The following NAV3 variants were observed in gnomAD, a reference collection of about 807,000 sequenced individuals.
NAV3 encodes the protein neuron navigator 3, also known as pore membrane and/or filament interacting like protein 1.
In NAV3, 87 loss-of-function variants were observed where a neutral mutation model predicts 244.7. The observed-to-expected ratio is 0.36, with a 90% CI of 0.30 to 0.42. NAV3 has a LOEUF of 0.42. Among genes scored for constraint, NAV3 ranks in the 20% least tolerant of loss-of-function variants. NAV3 has a pLI of 1.00. For synonymous variants in NAV3, 1,126 were observed against 1,042.2 expected (o/e 1.08, Z -1.55); for missense variants, 2,663 against 2,893.3 (o/e 0.92, Z 1.83).
At chr12:77,628,215 G>A (rs1871723123) in intron 2 of NAV3, among the ~76,000 whole-genome samples, 1 of 152,166 alleles carries the variant, frequency 6.6e-6, no homozygotes, top group South Asian at 2.1e-4. Flanking sequence ...ATCCTCTGAT[G>A]TGATCATTAC....
chr12:78,171,979 G>A (rs941782693), intron 24 of NAV3, among the ~76,000 whole-genome samples: 1 of 151,274 alleles, frequency 6.6e-6, no homozygotes, highest in African/African-American at 2.4e-5. Context: ...AAATATTTTT[G>A]TTTACAAACA....
At chr12:78,026,905 A>G (rs1878152811) in intron 9 of NAV3, among the ~76,000 whole-genome samples, 1 of 152,234 alleles carries the variant, frequency 6.6e-6, no homozygotes, top group Non-Finnish European at 1.5e-5. Context: ...AACAGAAAAG[A>G]TAGGACTTAT....
At chr12:77,772,441 A>G (rs995939533) in intron 2 of NAV3, among the ~76,000 whole-genome samples, 1 of 152,210 alleles carries the variant, frequency 6.6e-6, no homozygotes, top group African/African-American at 2.4e-5. Flanking sequence ...TTTTATGAAT[A>G]TATATCTTTT....
At position 78,111,239 on chromosome 12, in the gene NAV3, C is replaced by T. The variant is rs752410917; in HGVS notation, c.2637-5533C>T. Reference sequence around the variant, plus strand: ...CACTATATACGTGTAAAATTAAATGCGTACAAATAAAAATAATAAAATACT... The same window carrying T: ...CACTATATACGTGTAAAATTAAATGTGTACAAATAAAAATAATAAAATACT... On this transcript the variant is annotated intron_variant, in intron 12 of 39. Coordinates refer to ENST00000397909, the MANE Select transcript of NAV3 (RefSeq NM_001024383.2). Among the ~76,000 whole-genome samples, 79 of 152,000 alleles carry T rather than the reference C, an allele frequency of 5.2e-4. 1 individual carries two copies. Among genetic ancestry groups the T allele is most frequent in the African/African-American group, 1.5e-3 (62 of 41,484 alleles).
intron 2 of NAV3, among the ~76,000 whole-genome samples, chr12:77,743,937 G>A (rs1338515141): frequency 6.6e-6 from 1 of 151,654 alleles, no homozygotes; most frequent in Non-Finnish European, 1.5e-5. Context: ...TAAAAGGATG[G>A]TATTACTTAA....
chr12:78,167,760 G>A (rs2139538026), intron 23 of NAV3, among the ~76,000 whole-genome samples: 1 of 151,458 alleles, frequency 6.6e-6, no homozygotes, highest in Middle Eastern at 3.4e-3. Flanking sequence ...CCCTCTAAGA[G>A]GCTGACAAAG....
intron 5 of NAV3, among the ~76,000 whole-genome samples, chr12:77,978,116 A>G (rs1385042821): frequency 1.3e-5 from 2 of 152,224 alleles, no homozygotes; most frequent in Non-Finnish European, 2.9e-5. Context: ...TAAAAACGTC[A>G]TAATTGTCTT....
intron 1 of NAV3, among the ~76,000 whole-genome samples, chr12:77,882,737 A>G (rs186964060): frequency 1.3e-5 from 2 of 152,292 alleles, no homozygotes; most frequent in Admixed American, 1.3e-4. Context: ...TTCAACAAAC[A>G]AAAACAAGTA....
At chr12:77,746,288 A>T (rs1868538597) in intron 2 of NAV3, among the ~76,000 whole-genome samples, 1 of 152,134 alleles carries the variant, frequency 6.6e-6, no homozygotes, top group South Asian at 2.1e-4. Flanking sequence ...ACAGCCTTAG[A>T]CAATACACAA....
At chr12:77,667,783 C>A (rs976377652) in intron 2 of NAV3, among the ~76,000 whole-genome samples, 1 of 152,138 alleles carries the variant, frequency 6.6e-6, no homozygotes, top group Admixed American at 6.5e-5. Flanking sequence ...CTGCATCCTC[C>A]CTGTACAACC....
At chr12:77,633,546 C>T (rs535114295) in intron 2 of NAV3, among the ~76,000 whole-genome samples, 4 of 152,080 alleles carry the variant, frequency 2.6e-5, no homozygotes, top group East Asian at 3.9e-4. Context: ...GCCAGAAATA[C>T]GGTCTAAAAG....
chr12:78,085,577 AATG>A (rs1270066003), intron 12 of NAV3, among the ~76,000 whole-genome samples: 2 of 152,140 alleles, frequency 1.3e-5, no homozygotes, highest in African/African-American at 4.8e-5. Context: ...TGATTGTGAA[AATG>A]ATGAGCAGAA....
chr12:77,878,702 AAGTT>A (rs1882198987), intron 1 of NAV3, among the ~76,000 whole-genome samples: 1 of 151,198 alleles, frequency 6.6e-6, no homozygotes, highest in African/African-American at 2.4e-5. Flanking sequence ...TTTTTAAAGA[AAGTT>A]AATGTGATCT....
At chr12:78,200,616 AT>A (rs34801447) in intron 38 of NAV3, 25 bp downstream of exon 38, 24,167 of 1,098,914 alleles carry the variant, frequency 0.022, 25 homozygotes, top group East Asian at 0.072. Flanking sequence ...TTTCATTGCT[AT>A]TTTTTTTTAA....
chr12:78,122,476 A>C lies in NAV3; in HGVS notation c.4238+48A>C, dbSNP rs200462555. 9 of 1,517,522 alleles carry C rather than the reference A, an allele frequency of 5.9e-6. No homozygotes were observed. In the African/African-American group the frequency reaches 6.9e-5, roughly 12 times the overall value. The allele number at this position is 1,517,522 out of a possible 1,614,324, so 94.0% of individuals were successfully genotyped here. ...ATAACATCTTCCCCCTCTTCCCTGCACTATGCCTAACCCCCACCCCATTAA... is the reference window on the plus strand; with the variant it reads ...ATAACATCTTCCCCCTCTTCCCTGCCCTATGCCTAACCCCCACCCCATTAA... On this transcript the variant is annotated intron_variant, in intron 16 of 39. Transcript: ENST00000397909.
intron 1 of NAV3, among the ~76,000 whole-genome samples, chr12:77,932,419 G>C (rs1888904123): frequency 6.6e-6 from 1 of 152,080 alleles, no homozygotes; most frequent in Non-Finnish European, 1.5e-5. Flanking sequence ...GTCTCCCTCT[G>C]CAGGCTTCTG....
chr12:78,006,194 G>A (rs771563060), intron 7 of NAV3, among the ~76,000 whole-genome samples: 9 of 151,846 alleles, frequency 5.9e-5, no homozygotes, highest in Middle Eastern at 3.2e-3. Context: ...AAATAAACAC[G>A]TCCCCCCACA....
chr12:77,766,742 T>TTTTTTTTTG, intron 2 of NAV3, among the ~76,000 whole-genome samples: 2 of 24,260 alleles, frequency 8.2e-5, no homozygotes, highest in Non-Finnish European at 1.6e-4. Context: ...TAAGTTTTTT[T>TTTTTTTTTG]TTTTTTTTTT....
chr12:77,824,761 T>C (rs1872900776), intron 2 of NAV3, among the ~76,000 whole-genome samples: 1 of 151,724 alleles, frequency 6.6e-6, no homozygotes, highest in African/African-American at 2.4e-5. Flanking sequence ...GGTGTGGTGG[T>C]GTGTGCCTGT....
Sources: gnomAD v4.1 joint callset for allele counts (sites outside exome capture counted in the v4.1 genomes callset) on GRCh38, gnomAD v4.1.1 for gene constraint, MANE v1.5 for transcripts, NCBI Gene and HGNC (gene_info 2026-07-23, HGNC 2026-07-21) for gene names.